The following TDRD9 variants were observed in gnomAD, a reference collection of about 807,000 sequenced individuals.
TDRD9 encodes the protein ATP-dependent RNA helicase TDRD9.
TDRD9 carries 124 observed loss-of-function variants against 172.6 expected under a neutral mutation model. That is an observed-to-expected ratio of 0.72 (90% CI 0.62 to 0.83). The LOEUF is 0.83. Ranked by LOEUF, TDRD9 falls within the 40% of genes least tolerant of loss-of-function variation. The pLI is 0.00. For missense variants in TDRD9, 1,479 were observed against 1,714.1 expected (o/e 0.86, Z 2.42); for synonymous variants, 619 against 617.1 (o/e 1.00, Z -0.05).
chr14:104,034,985 C>A lies in TDRD9; in HGVS notation c.3645C>A (p.Thr1215=). Residue 1215 remains threonine (T), a synonymous_variant, in exon 32 of 36, where the codon ACC becomes ACA. Transcript: ENST00000409874. ...ATGSTMLLRE[T]SLMPHIPGLP... ...GATCTACGATGCTGCTGAGAGAAAC[C>A]TCTCTGATGCCTCATATCCCTGGCC... is the stretch of plus-strand genomic sequence containing the variant. 2 of 1,551,716 alleles carry A rather than the reference C, an allele frequency of 1.3e-6. No individual in the cohort carries two copies. The highest frequency in any genetic ancestry group is 4.9e-5 in the East Asian group (2 of 40,912).
chr14:103,979,570 C>T (rs1277903379), intron 7 of TDRD9, among the ~76,000 whole-genome samples: 1 of 152,172 alleles, frequency 6.6e-6, no homozygotes, highest in Admixed American at 6.5e-5. Context: ...TCAGTCTCCC[C>T]AAGGGAGGGC....
intron 5 of TDRD9, among the ~76,000 whole-genome samples, chr14:103,967,884 AAT>A (rs1595925754): frequency 6.6e-6 from 1 of 152,242 alleles, no homozygotes; most frequent in East Asian, 1.9e-4. Context: ...TGAAGGTTGT[AAT>A]AGTTATTCAT....
At chr14:104,034,158 G>A in intron 31 of TDRD9, 89 bp downstream of exon 31, 1 of 675,418 alleles carries the variant, frequency 1.5e-6, no homozygotes. Context: ...TATAATTGGT[G>A]AACAAGTCTA....
At chr14:104,049,741 G>T (rs2035888534) in intron 35 of TDRD9, 61 bp downstream of exon 35, 3 of 1,419,750 alleles carry the variant, frequency 2.1e-6, no homozygotes, top group Non-Finnish European at 2.9e-6. Context: ...ACAGGCCCTG[G>T]GCAGACCCAG....
At position 103,928,592 on chromosome 14, in the gene TDRD9, C is replaced by T; in HGVS notation, c.83C>T (p.Ala28Val). 7.4e-6 allele frequency: 10 copies of T among 1,350,722 alleles called. No homozygotes were observed. Among genetic ancestry groups the T allele is most frequent in the Admixed American group, 3.1e-5 (1 of 31,954 alleles). The allele number at this position is 1,350,722 out of a possible 1,614,324, so 83.7% of individuals were successfully genotyped here. A position where few individuals can be genotyped will look rare whatever the true frequency, so the allele number is the denominator to read the frequency against. ...KTVTNVELLG[A>V]PPAFPAGAAR... ...GTGACCAATGTGGAGCTGCTGGGCG[C>T]GCCGCCCGCCTTCCCGGCAGGGGCG... The change falls in exon 1 of 36, where the codon GCG (alanine) becomes GTG (valine). Residue 28 changes from alanine (A) to valine (V), a missense_variant. By Grantham distance (64) the Ala-to-Val change is moderately conservative. This residue lies in a region of TDRD9 where 63 missense variants were observed against 48.4 expected (regional missense o/e 1.30). Transcript: ENST00000409874.
At chr14:104,048,943 G>C (rs372643867) in intron 34 of TDRD9, among the ~76,000 whole-genome samples, 2 of 152,274 alleles carry the variant, frequency 1.3e-5, no homozygotes, top group East Asian at 1.9e-4. Flanking sequence ...AGGGGCAGGT[G>C]TATGGGGTGG....
chr14:104,042,855 G>A (rs2035649820), intron 34 of TDRD9, among the ~76,000 whole-genome samples: 1 of 152,088 alleles, frequency 6.6e-6, no homozygotes, highest in African/African-American at 2.4e-5. Context: ...GAAAGCAGGT[G>A]GCATCTGGTA....
intron 1 of TDRD9, among the ~76,000 whole-genome samples, chr14:103,939,106 A>T (rs182792865): frequency 6.6e-6 from 1 of 152,166 alleles, no homozygotes; most frequent in Non-Finnish European, 1.5e-5. Context: ...TTTTGCCGGG[A>T]GTTATTTCTC....
At position 103,928,474 on chromosome 14, in the gene TDRD9, C is replaced by A. The variant is rs986028599; in HGVS notation, c.-36C>A. On this transcript the variant is annotated 5_prime_UTR_variant, in exon 1 of 36. Transcript: ENST00000409874. ...GTCGCCTGTTCCCGCCGCGGAGACCCGGCAGTTGGGGGATGCCGACGCCTG... is the reference window on the plus strand; with the variant it reads ...GTCGCCTGTTCCCGCCGCGGAGACCAGGCAGTTGGGGGATGCCGACGCCTG... 6 of 1,426,946 alleles carry A rather than the reference C, an allele frequency of 4.2e-6. No individual in the cohort carries two copies. Among genetic ancestry groups the A allele is most frequent in the African/African-American group, 3.0e-5 (2 of 66,330 alleles). The allele number at this position is 1,426,946 out of a possible 1,614,324, so 88.4% of individuals were successfully genotyped here. A position where few individuals can be genotyped will look rare whatever the true frequency, so the allele number is the denominator to read the frequency against.
rs533798901 is a variant in TDRD9, at chr14:103,960,329, T to C, written c.323-2750T>C. On this transcript the variant is annotated intron_variant, in intron 2 of 35. Transcript: ENST00000409874. ...CTTTTTGGTTAGATTTCATATTTGGTTGATGGTGATATAGTGATATGTCTT... is the reference window on the plus strand; with the variant it reads ...CTTTTTGGTTAGATTTCATATTTGGCTGATGGTGATATAGTGATATGTCTT... 4.6e-5 allele frequency among the ~76,000 whole-genome samples: 7 copies of C among 152,322 alleles called. No individual in the cohort carries two copies. The East Asian group carries it at 1.2e-3, about 25-fold the overall frequency.
intron 20 of TDRD9, among the ~76,000 whole-genome samples, chr14:104,013,342 C>T (rs780703683): frequency 2.0e-5 from 3 of 152,082 alleles, no homozygotes; most frequent in East Asian, 1.9e-4. Context: ...TTTTCCTGTT[C>T]GGAGGGACTA....
At chr14:104,009,116 T>C (rs1258300874) in intron 20 of TDRD9, among the ~76,000 whole-genome samples, 1 of 152,224 alleles carries the variant, frequency 6.6e-6, no homozygotes, top group East Asian at 1.9e-4. Context: ...CTATGGCTTC[T>C]AGGCTGCAAA....
chr14:103,998,802 T>C (rs2034150673), intron 13 of TDRD9, 74 bp downstream of exon 13: 1 of 797,534 alleles, frequency 1.3e-6, no homozygotes, highest in Non-Finnish European at 2.1e-6. Context: ...TTTTTTTTTT[T>C]TTTTCTCTGA....
At chr14:104,031,468 GTTTTTTTTTTTT>G (rs55696833) in intron 29 of TDRD9, among the ~76,000 whole-genome samples, 2 of 105,094 alleles carry the variant, frequency 1.9e-5, no homozygotes, top group Non-Finnish European at 3.7e-5. Flanking sequence ...GCTTTGACTA[GTTTTTTTTTTTT>G]TTTTTTTTTT....
intron 13 of TDRD9, among the ~76,000 whole-genome samples, chr14:103,999,238 A>G (rs1032094957): frequency 1.3e-5 from 2 of 152,172 alleles, no homozygotes; most frequent in South Asian, 2.1e-4. Context: ...CTTCTAATGT[A>G]TGAGGTCTTT....
At chr14:104,043,465 C>T (rs1299303314) in intron 34 of TDRD9, among the ~76,000 whole-genome samples, 4 of 151,990 alleles carry the variant, frequency 2.6e-5, no homozygotes, top group Middle Eastern at 3.2e-3. Flanking sequence ...AACTCCTGAC[C>T]TCAGGCGATC....
intron 1 of TDRD9, among the ~76,000 whole-genome samples, chr14:103,944,181 C>T (rs2031429899): frequency 6.6e-6 from 1 of 152,130 alleles, no homozygotes; most frequent in Non-Finnish European, 1.5e-5. Context: ...CACATTATCC[C>T]TCCTTCAAGG....
intron 13 of TDRD9, among the ~76,000 whole-genome samples, chr14:104,002,001 G>T (rs971314989): frequency 6.6e-6 from 1 of 150,986 alleles, no homozygotes; most frequent in Non-Finnish European, 1.5e-5. Context: ...TGTTTTTTCC[G>T]TATCTTTGCC....
intron 1 of TDRD9, chr14:103,941,406 A>G (rs1430694729): frequency 6.5e-7 from 1 of 1,534,226 alleles, no homozygotes; most frequent in Non-Finnish European, 8.7e-7. Context: ...CCTGCTGAGA[A>G]TAGTTCCAGT....
Sources: gnomAD v4.1 joint callset for allele counts (sites outside exome capture counted in the v4.1 genomes callset) on GRCh38, gnomAD v4.1.1 for gene constraint, gnomAD v4.1.1 regional missense constraint, MANE v1.5 for transcripts, NCBI Gene and HGNC (gene_info 2026-07-23, HGNC 2026-07-21) for gene names.